BICC1: variants seen among roughly 807,000 people sequenced by gnomAD.
The protein encoded by BICC1 is protein bicaudal C homolog 1.
BICC1 carries 43 observed loss-of-function variants against 111.0 expected under a neutral mutation model. That is an observed-to-expected ratio of 0.39 (90% CI 0.30 to 0.50). BICC1 has a LOEUF of 0.50. Ranked by LOEUF, BICC1 falls within the 20% of genes least tolerant of loss-of-function variation. BICC1 has a pLI of 0.88. For synonymous variants in BICC1, 467 were observed against 434.4 expected (o/e 1.07, Z -0.93); for missense variants, 1,091 against 1,203.2 (o/e 0.91, Z 1.38).
intron 2 of BICC1, among the ~76,000 whole-genome samples, chr10:58,647,779 GA>G (rs113946754): frequency 0.016 from 2,252 of 139,398 alleles, 48 homozygotes; most frequent in African/African-American, 0.051. Flanking sequence ...GGCTTTCTCA[GA>G]AAAAAAAAAA....
chr10:58,653,804 T>C (rs1247487171), intron 2 of BICC1, among the ~76,000 whole-genome samples: 1 of 146,732 alleles, frequency 6.8e-6, no homozygotes. Context: ...TAGCATTAGG[T>C]ATATCTCCCA....
chr10:58,726,072 A>G (rs1226851169), intron 3 of BICC1, among the ~76,000 whole-genome samples: 7 of 152,202 alleles, frequency 4.6e-5, no homozygotes, highest in South Asian at 2.1e-4. Flanking sequence ...ATTAGAATCT[A>G]TTGCTTTTGC....
intron 8 of BICC1, 113 bp from the exon 9 acceptor site, chr10:58,793,371 A>G: frequency 3.0e-6 from 3 of 989,498 alleles, no homozygotes; most frequent in Non-Finnish European, 4.4e-6. Context: ...TTAATACTTC[A>G]GTTTAGTCTT....
In BICC1 at chr10:58,789,356, C is replaced by T; in HGVS notation, c.695C>T (p.Ser232Leu). 6.2e-7 allele frequency: 1 copy of T among 1,614,010 alleles called. No homozygotes were observed. The highest frequency in any genetic ancestry group is 1.1e-5 in the South Asian group (1 of 91,072). The part of the protein sequence containing the change: ...DPNSPSIQHI[S>L]QTYNISVSFK... ...AATTCCCCCTCTATTCAGCATATAT[C>T]ACAAACGTACAATATTTCAGTATCA... Residue 232 changes from serine (S) to leucine (L), a missense_variant, in exon 7 of 21, where the codon TCA becomes TTA. Coordinates refer to ENST00000373886, the MANE Select transcript of BICC1 (RefSeq NM_001080512.3).
At chr10:58,776,341 A>G (rs940283172) in intron 3 of BICC1, among the ~76,000 whole-genome samples, 1 of 152,234 alleles carries the variant, frequency 6.6e-6, no homozygotes, top group Non-Finnish European at 1.5e-5. Flanking sequence ...TGCCCTGGCT[A>G]CAGATTACAG....
intron 3 of BICC1, among the ~76,000 whole-genome samples, chr10:58,755,563 G>C (rs778503290): frequency 6.6e-5 from 10 of 152,140 alleles, no homozygotes; most frequent in Non-Finnish European, 1.5e-4. Flanking sequence ...GAAATCTTCA[G>C]AAAAAGTTGC....
intron 3 of BICC1, among the ~76,000 whole-genome samples, chr10:58,729,585 GAA>G (rs1378133476): frequency 1.3e-5 from 2 of 152,138 alleles, no homozygotes; most frequent in African/African-American, 4.8e-5. Flanking sequence ...AATTTATAAA[GAA>G]AAGAGGTTTA....
At chr10:58,535,702 A>G (rs894598914) in intron 1 of BICC1, among the ~76,000 whole-genome samples, 1 of 151,722 alleles carries the variant, frequency 6.6e-6, no homozygotes, top group Non-Finnish European at 1.5e-5. Context: ...GTAACAATCA[A>G]CATTATGACT....
chr10:58,578,280 G>A (rs1026665243), intron 1 of BICC1, among the ~76,000 whole-genome samples: 2 of 152,044 alleles, frequency 1.3e-5, no homozygotes, highest in African/African-American at 4.8e-5. Context: ...GAGTATTTCC[G>A]AGTTGTTATT....
At chr10:58,812,405 T>C (rs1843937096) in intron 17 of BICC1, among the ~76,000 whole-genome samples, 1 of 152,064 alleles carries the variant, frequency 6.6e-6, no homozygotes, top group Non-Finnish European at 1.5e-5. Context: ...ACACTGAGTT[T>C]AAGATGCCTA....
chr10:58,632,766 C>CT (rs1837835527), intron 2 of BICC1, among the ~76,000 whole-genome samples: 1 of 152,026 alleles, frequency 6.6e-6, no homozygotes, highest in Admixed American at 6.5e-5. Flanking sequence ...AACTGATTGC[C>CT]TTTGCAAAGG....
At chr10:58,803,839 C>A (rs1212431488) in intron 15 of BICC1, among the ~76,000 whole-genome samples, 2 of 152,122 alleles carry the variant, frequency 1.3e-5, no homozygotes, top group African/African-American at 2.4e-5. Flanking sequence ...TCTAATTACT[C>A]AGAATAGACT....
At chr10:58,785,229 G>A (rs1842977047) in intron 4 of BICC1, 149 bp downstream of exon 4, 4 of 492,798 alleles carry the variant, frequency 8.1e-6, no homozygotes, top group East Asian at 6.7e-5. Flanking sequence ...TACAGTGGAT[G>A]TAAAGTTCTG....
chr10:58,787,928 C>T lies in BICC1; in HGVS notation c.547-442C>T, dbSNP rs957725006. Among the ~76,000 whole-genome samples the T allele has an allele frequency of 3.3e-5, 5 of 151,894 alleles. No individual in the cohort carries two copies. The East Asian group carries it at 5.8e-4, about 18-fold the overall frequency. On this transcript the variant is annotated intron_variant, in intron 5 of 20. Transcript: ENST00000373886. Reference sequence around the variant, plus strand: ...GCCCAGGAGATTTCAGAAGTAAGCTCGAGGTAGATGTTGGAGCAATGATTG... The same window carrying T: ...GCCCAGGAGATTTCAGAAGTAAGCTTGAGGTAGATGTTGGAGCAATGATTG...
At chr10:58,542,061 G>A (rs1170926466) in intron 1 of BICC1, among the ~76,000 whole-genome samples, 1 of 146,296 alleles carries the variant, frequency 6.8e-6, no homozygotes, top group Non-Finnish European at 1.5e-5. Context: ...TAAGGTGGGA[G>A]AATTGCTTGA....
chr10:58,617,319 T>G (rs1197278955), intron 1 of BICC1, among the ~76,000 whole-genome samples: 1 of 152,140 alleles, frequency 6.6e-6, no homozygotes, highest in African/African-American at 2.4e-5. Context: ...CAAAGTGTGG[T>G]GCCTACTTGG....
intron 2 of BICC1, among the ~76,000 whole-genome samples, chr10:58,634,968 A>T (rs1479259339): frequency 2.6e-5 from 4 of 152,174 alleles, no homozygotes; most frequent in African/African-American, 7.2e-5. Flanking sequence ...GAGTAGGCTG[A>T]GAAGGTGGAA....
chr10:58,789,529 A>G, intron 7 of BICC1, 73 bp downstream of exon 7: 1 of 1,512,406 alleles, frequency 6.6e-7, no homozygotes, highest in Non-Finnish European at 9.0e-7. Context: ...AGAATATTAG[A>G]CTAATTTGAT....
intron 2 of BICC1, among the ~76,000 whole-genome samples, chr10:58,697,804 C>T (rs1840107716): frequency 6.6e-6 from 1 of 152,024 alleles, no homozygotes; most frequent in South Asian, 2.1e-4. Context: ...CCTCCACCCA[C>T]ACCCCCTGCA....
Sources: allele counts gnomAD v4.1 joint callset (sites outside exome capture counted in the v4.1 genomes callset), GRCh38; gene constraint gnomAD v4.1.1; transcripts MANE v1.5; gene names NCBI Gene and HGNC (gene_info 2026-07-23, HGNC 2026-07-21).